The following MEIS2 variants were observed in gnomAD, a reference collection of about 807,000 sequenced individuals.
MEIS2 encodes homeobox protein Meis2.
In MEIS2, 9 loss-of-function variants were observed where a neutral mutation model predicts 58.6. That is an observed-to-expected ratio of 0.15 (90% CI 0.09 to 0.27). MEIS2 has a LOEUF of 0.27. Among genes scored for constraint, MEIS2 ranks in the 10% least tolerant of loss-of-function variants. The pLI is 1.00. For missense variants in MEIS2, 427 were observed against 635.0 expected, an observed-to-expected ratio of 0.67 and a Z score of 3.52; for synonymous variants, 221 against 228.4, an observed-to-expected ratio of 0.97 and a Z score of 0.29.
At chr15:36,896,164 T>C (rs1164869550) in intron 10 of MEIS2, among the ~76,000 whole-genome samples, 2 of 152,194 alleles carry the variant, frequency 1.3e-5, no homozygotes, top group Non-Finnish European at 2.9e-5. Flanking sequence ...TAAAAAATAA[T>C]GGTGGCAATG....
At chr15:37,049,612 G>A (rs546829176) in intron 7 of MEIS2, among the ~76,000 whole-genome samples, 113 of 151,696 alleles carry the variant, frequency 7.4e-4, no homozygotes, top group Non-Finnish European at 1.3e-3. Flanking sequence ...TCAGCCTCCC[G>A]AGTAGCTGGG....
intron 7 of MEIS2, among the ~76,000 whole-genome samples, chr15:37,037,238 T>C (rs1223882309): frequency 6.6e-6 from 1 of 152,168 alleles, no homozygotes; most frequent in African/African-American, 2.4e-5. Flanking sequence ...AATTATGGAA[T>C]CCAATGTGGG....
chr15:36,894,370 C>T, intron 11 of MEIS2: 1 of 161,498 alleles, frequency 6.2e-6, no homozygotes, highest in Non-Finnish European at 1.4e-5. Flanking sequence ...TTGAAGCCTG[C>T]TTAATTTCTC....
At position 37,098,084 on chromosome 15, in the gene MEIS2, G is replaced by A; in HGVS notation, c.128C>T (p.Pro43Leu). 1 of 1,613,778 alleles carries A rather than the reference G, an allele frequency of 6.2e-7. No individual in the cohort carries two copies. The highest frequency in any genetic ancestry group is 2.2e-5 in the East Asian group (1 of 44,866). Residue 43 changes from proline to leucine, a missense_variant, in exon 2 of 12, where the codon CCG becomes CTG. By Grantham distance (98) the Pro-to-Leu change is moderately conservative. Transcript: ENST00000561208. Reference sequence around the variant, plus strand: ...GTAGTGCTGTGTGGCGTGGAGCGGCGGCCCGTGGTTCAGGTGGTGAACCGG... The same window carrying A: ...GTAGTGCTGTGTGGCGTGGAGCGGCAGCCCGTGGTTCAGGTGGTGAACCGG... ...IPPVHHLNHG[P>L]PLHATQHYGA...
At chr15:37,000,936 A>G (rs1035046758) in intron 8 of MEIS2, among the ~76,000 whole-genome samples, 1 of 152,052 alleles carries the variant, frequency 6.6e-6, no homozygotes, top group Non-Finnish European at 1.5e-5. Context: ...CCTTCTTGCA[A>G]TCTGGCTTCT....
Position 36,891,242 on chromosome 15 carries a change from A to G in MEIS2, c.*931T>C, listed in dbSNP as rs2055838764. ...CAGCAGATCTGATACTAGCAAAAAC[A>G]TTCTTTTTTTTTTCAATTGAGGTAA... On this transcript the variant is annotated 3_prime_UTR_variant, in exon 12 of 12. Coordinates refer to ENST00000561208, the MANE Select transcript of MEIS2 (RefSeq NM_170675.5). The G allele has an allele frequency of 1.3e-5, 2 of 151,842 alleles. No individual in the cohort carries two copies. The highest frequency in any genetic ancestry group is 2.9e-5 in the Non-Finnish European group (2 of 68,006). 9.4% of individuals were successfully genotyped at this position (151,842 alleles called of 1,614,324 possible).
intron 7 of MEIS2, among the ~76,000 whole-genome samples, chr15:37,042,722 G>A (rs1354667919): frequency 6.6e-6 from 1 of 152,174 alleles, no homozygotes. Context: ...GTCCAAGTTG[G>A]CTTCAAATAG....
chr15:37,060,020 AGCTATGATACGG>A (rs1395518719), intron 7 of MEIS2, among the ~76,000 whole-genome samples: 10 of 152,268 alleles, frequency 6.6e-5, no homozygotes, highest in Admixed American at 5.2e-4. Context: ...AGCCTCCATG[AGCTATGATACGG>A]TCCTCAAGTG....
At chr15:37,006,201 A>T (rs2060916753) in intron 8 of MEIS2, among the ~76,000 whole-genome samples, 1 of 152,104 alleles carries the variant, frequency 6.6e-6, no homozygotes. Context: ...CTGACTTTTG[A>T]TAGTGATTCA....
At chr15:36,939,383 A>G (rs1386001874) in intron 9 of MEIS2, among the ~76,000 whole-genome samples, 2 of 152,248 alleles carry the variant, frequency 1.3e-5, no homozygotes, top group African/African-American at 2.4e-5. Flanking sequence ...GTTTGGAAAC[A>G]GAGCCAAAGG....
chr15:37,061,280 T>A (rs567982300), intron 7 of MEIS2, among the ~76,000 whole-genome samples: 2 of 152,278 alleles, frequency 1.3e-5, no homozygotes, highest in African/African-American at 4.8e-5. Context: ...TTGGGATGCC[T>A]TCTTGAAAGG....
intron 8 of MEIS2, among the ~76,000 whole-genome samples, chr15:36,979,347 C>T (rs2059857866): frequency 6.6e-6 from 1 of 152,048 alleles, no homozygotes; most frequent in African/African-American, 2.4e-5. Flanking sequence ...TTTTGAAATG[C>T]TAGGCACTTC....
intron 7 of MEIS2, among the ~76,000 whole-genome samples, chr15:37,037,954 G>A (rs2062232834): frequency 6.6e-6 from 1 of 152,192 alleles, no homozygotes; most frequent in African/African-American, 2.4e-5. Context: ...TACGGGGACA[G>A]CACTGGGGCT....
At chr15:37,014,910 G>T (rs966557051) in intron 8 of MEIS2, among the ~76,000 whole-genome samples, 1 of 151,588 alleles carries the variant, frequency 6.6e-6, no homozygotes, top group Non-Finnish European at 1.5e-5. Context: ...AACAGATTGG[G>T]ATAAAAGGAA....
In MEIS2 at chr15:36,892,163, T is replaced by C. The variant is rs1352727985; in HGVS notation, c.*10A>G. Reference sequence around the variant, plus strand: ...TGCGTGTGTTTCCTTTTCCCTTGAGTTCCCTTATACTATTGGGCATGAATG... The same window carrying C: ...TGCGTGTGTTTCCTTTTCCCTTGAGCTCCCTTATACTATTGGGCATGAATG... On this transcript the variant is annotated 3_prime_UTR_variant, in exon 12 of 12. Transcript: ENST00000561208. The C allele has an allele frequency of 6.2e-7, 1 of 1,612,766 alleles. No homozygotes were observed. The highest frequency in any genetic ancestry group is 1.3e-5 in the African/African-American group (1 of 74,836).
chr15:37,002,309 T>C (rs2060760219), intron 8 of MEIS2, among the ~76,000 whole-genome samples: 1 of 143,000 alleles, frequency 7.0e-6, no homozygotes, highest in Admixed American at 7.1e-5. Context: ...TCCCCGCTTC[T>C]GCAGCCTCCT....
intron 8 of MEIS2, among the ~76,000 whole-genome samples, chr15:37,007,982 G>A (rs1033965850): frequency 2.0e-5 from 3 of 152,120 alleles, no homozygotes; most frequent in Non-Finnish European, 2.9e-5. Flanking sequence ...AAATACAAGG[G>A]TAGGCTGAAA....
rs758787702 is a variant in MEIS2 at position 37,098,173 on chromosome 15, C to T, written c.39G>A (p.Gly13=). 6.2e-6 allele frequency: 10 copies of T among 1,606,112 alleles called. No individual in the cohort carries two copies. The highest frequency in any genetic ancestry group is 3.4e-5 in the Admixed American group (2 of 59,566). The part of the protein sequence containing the change: ...QRYDELPHYG[G]MDGVGVPASM... ...AAGCGGGAACCCCTACTCCGTCCAT[C>T]CCGCCGTAATGGGGCAGCTCATCGT... Residue 13 remains glycine, a synonymous_variant, in exon 2 of 12, where the codon GGG becomes GGA. Coordinates refer to ENST00000561208, the MANE Select transcript of MEIS2 (RefSeq NM_170675.5).
At chr15:37,075,709 A>G (rs1891313861) in intron 7 of MEIS2, among the ~76,000 whole-genome samples, 1 of 152,074 alleles carries the variant, frequency 6.6e-6, no homozygotes, top group South Asian at 2.1e-4. Context: ...AAATAATTAC[A>G]ACGCAGTGTG....
Sources: gnomAD v4.1 joint callset for allele counts (sites outside exome capture counted in the v4.1 genomes callset) on GRCh38, gnomAD v4.1.1 for gene constraint, MANE v1.5 for transcripts, NCBI Gene and HGNC (gene_info 2026-07-23, HGNC 2026-07-21) for gene names.